AKAP11: variants seen among roughly 807,000 people sequenced by gnomAD.
AKAP11 encodes the protein A-kinase anchoring protein 11, also known as A-kinase anchor protein 11.
In AKAP11, 36 loss-of-function variants were observed where a neutral mutation model predicts 146.1. The ratio of observed to expected loss-of-function variants is 0.25; its 90% CI spans 0.19 to 0.33. The LOEUF is 0.33. Among genes scored for constraint, AKAP11 ranks in the 10% least tolerant of loss-of-function variants. AKAP11 has a pLI of 1.00. For synonymous variants in AKAP11, 780 were observed against 786.5 expected, an observed-to-expected ratio of 0.99 and a Z score of 0.14; for missense variants, 2,201 against 2,197.0, an observed-to-expected ratio of 1.00 and a Z score of -0.04.
rs778929489 is a variant in AKAP11, at chr13:42,299,570, C to G, written c.824C>G (p.Pro275Arg). 1.5e-5 allele frequency: 25 copies of G among 1,613,828 alleles called. No homozygotes were observed. The highest frequency in any genetic ancestry group is 2.0e-5 in the Non-Finnish European group (24 of 1,179,880). The change falls in exon 8 of 13, where the codon CCT (proline) becomes CGT (arginine). Residue 275 changes from proline to arginine, a missense_variant. Pro to Arg is a moderately radical substitution (Grantham distance 103). Transcript: ENST00000025301. ...KTSVTTSISE[P>R]WTQRSFYRSS... ...TCAGTCACAACATCAATTTCAGAGC[C>G]TTGGACCCAAAGGAGTTTCTATAGG...
At chr13:42,308,018 T>G (rs1423396729) in intron 8 of AKAP11, among the ~76,000 whole-genome samples, 1 of 152,214 alleles carries the variant, frequency 6.6e-6, no homozygotes, top group Non-Finnish European at 1.5e-5. Context: ...GAATACAGGC[T>G]TGGTTGACAA....
intron 4 of AKAP11, among the ~76,000 whole-genome samples, chr13:42,293,456 T>G (rs1440950966): frequency 1.3e-5 from 2 of 152,322 alleles, no homozygotes; most frequent in Non-Finnish European, 2.9e-5. Flanking sequence ...TTTAGGCCTG[T>G]AGTGTTCTGG....
At chr13:42,288,446 C>G (rs540996986) in intron 3 of AKAP11, among the ~76,000 whole-genome samples, 2 of 152,320 alleles carry the variant, frequency 1.3e-5, no homozygotes, top group South Asian at 4.1e-4. Flanking sequence ...GTACCATTTG[C>G]AAGTTATGAT....
chr13:42,295,605 T>G, intron 4 of AKAP11, 90 bp from the exon 5 acceptor site: 2 of 1,217,368 alleles, frequency 1.6e-6, no homozygotes, highest in Non-Finnish European at 2.4e-6. Context: ...TTTTAATGCT[T>G]TGTCTGTTTT....
chr13:42,286,294 CT>C lies in AKAP11; in HGVS notation c.-49-3del. On this transcript the variant is annotated splice_polypyrimidine_tract_variant and splice_region_variant and intron_variant, in intron 2 of 12. Coordinates refer to ENST00000025301, the MANE Select transcript of AKAP11 (RefSeq NM_016248.4). ...TAAATAAGTTGTTTTAATATGTTTTCTTTAGGTGTTTTGTGGATTAACTCTT... is the reference window on the plus strand; with the variant it reads ...TAAATAAGTTGTTTTAATATGTTTTCTTAGGTGTTTTGTGGATTAACTCTT... 2 of 1,203,622 alleles carry C rather than the reference CT, an allele frequency of 1.7e-6. No homozygotes were observed. Among genetic ancestry groups the C allele is most frequent in the Non-Finnish European group, 2.4e-6 (2 of 850,344 alleles). 74.6% of individuals were successfully genotyped at this position (1,203,622 alleles called of 1,614,324 possible). A position where few individuals can be genotyped will look rare whatever the true frequency, so the allele number is the denominator to read the frequency against.
chr13:42,316,117 G>C (rs920965620), intron 11 of AKAP11, among the ~76,000 whole-genome samples: 1 of 152,186 alleles, frequency 6.6e-6, no homozygotes, highest in African/African-American at 2.4e-5. Flanking sequence ...GATTGAGAGT[G>C]TTGGAGAGAG....
Position 42,300,981 on chromosome 13 carries a change from T to G in AKAP11, c.2235T>G (p.Ser745=), listed in dbSNP as rs1215317338. ...CACAGGCTGTCACGTTTTCCCCTTC[T>G]TTTCACAATCAAGCAATTATGGTGA... The part of the protein sequence containing the change: ...PSTQAVTFSP[S]FHNQAIMVTK... The change falls in exon 8 of 13, where the codon TCT becomes TCG. Residue 745 remains serine (S), a synonymous_variant. Coordinates refer to ENST00000025301, the MANE Select transcript of AKAP11 (RefSeq NM_016248.4). 1.2e-5 allele frequency: 19 copies of G among 1,614,128 alleles called. No homozygotes were observed. The highest frequency in any genetic ancestry group is 1.4e-5 in the Non-Finnish European group (17 of 1,179,974).
At chr13:42,293,063 C>T (rs1594319662) in intron 4 of AKAP11, among the ~76,000 whole-genome samples, 1 of 152,218 alleles carries the variant, frequency 6.6e-6, no homozygotes, top group African/African-American at 2.4e-5. Flanking sequence ...AGAGTAAGAT[C>T]CTTTTCTATA....
chr13:42,288,878 T>C (rs1594313099), intron 3 of AKAP11, among the ~76,000 whole-genome samples: 2 of 152,214 alleles, frequency 1.3e-5, no homozygotes, highest in African/African-American at 2.4e-5. Context: ...GTAGAAGTTA[T>C]GTTTAAAGGT....
intron 1 of AKAP11, among the ~76,000 whole-genome samples, chr13:42,285,331 A>T (rs891870058): frequency 3.9e-5 from 6 of 152,182 alleles, no homozygotes; most frequent in Non-Finnish European, 5.9e-5. Flanking sequence ...GGCATGCACC[A>T]CTGTGCCTGG....
chr13:42,278,920 C>CTGGGTTGA (rs1958989888), intron 1 of AKAP11, among the ~76,000 whole-genome samples: 1 of 148,010 alleles, frequency 6.8e-6, no homozygotes, highest in Non-Finnish European at 1.5e-5. Context: ...TTGAGTATAT[C>CTGGGTTGA]TGGGTTGATG....
upstream of AKAP11, among the ~76,000 whole-genome samples, chr13:42,271,520 C>T (rs1958767500): frequency 6.6e-6 from 1 of 152,196 alleles, no homozygotes. Context: ...TTCCTTGGGC[C>T]TTCGGATCTG....
At chr13:42,297,024 C>T (rs757725265) in intron 5 of AKAP11, 24 bp from the exon 6 acceptor site, 1 of 1,583,266 alleles carries the variant, frequency 6.3e-7, no homozygotes, top group Admixed American at 1.8e-5. Flanking sequence ...TACAGTGTTA[C>T]TTATTGTTAT....
chr13:42,320,059 A>G lies in AKAP11; in HGVS notation c.*831A>G, dbSNP rs947148676. 1 of 152,690 alleles carries G rather than the reference A, an allele frequency of 6.5e-6. No individual in the cohort carries two copies. The highest frequency in any genetic ancestry group is 2.4e-5 in the African/African-American group (1 of 41,432). The allele number at this position is 152,690 out of a possible 1,614,324, so 9.5% of individuals were successfully genotyped here. Reference sequence around the variant, plus strand: ...AGGTGCTTTAAAATAAAACGCCTATAAAGATTGTGCAGTAAGAATTTTTAT... The same window carrying G: ...AGGTGCTTTAAAATAAAACGCCTATGAAGATTGTGCAGTAAGAATTTTTAT... On this transcript the variant is annotated 3_prime_UTR_variant, in exon 13 of 13. Coordinates refer to ENST00000025301, the MANE Select transcript of AKAP11 (RefSeq NM_016248.4).
chr13:42,283,973 CTA>C (rs1387434839), intron 1 of AKAP11, among the ~76,000 whole-genome samples: 1 of 152,146 alleles, frequency 6.6e-6, no homozygotes, highest in Non-Finnish European at 1.5e-5. Context: ...ATGAACCAGA[CTA>C]TAAAACCTTT....
chr13:42,292,981 A>G (rs17599774), intron 4 of AKAP11, among the ~76,000 whole-genome samples: 18,774 of 152,224 alleles, frequency 0.12, 1,303 homozygotes, highest in South Asian at 0.17. Flanking sequence ...GGATAAGATA[A>G]TATACCTTGC....
Position 42,317,551 on chromosome 13 carries a change from C to G in AKAP11, c.5428C>G (p.Leu1810Val), listed in dbSNP as rs907960386. 6.2e-7 allele frequency: 1 copy of G among 1,613,744 alleles called. No individual in the cohort carries two copies. Among genetic ancestry groups the G allele is most frequent in the Admixed American group, 1.7e-5 (1 of 59,940 alleles). ...AGGTTTGGGGCAAGATGGAAAGACA[C>G]TGCTAATTACGAATATTGACATGGA... The part of the protein sequence containing the change: ...VEGLGQDGKT[L>V]LITNIDMEPC... Residue 1810 changes from leucine (L) to valine (V), a missense_variant, in exon 12 of 13, where the codon CTG (leucine) becomes GTG (valine). Coordinates refer to ENST00000025301, the MANE Select transcript of AKAP11 (RefSeq NM_016248.4).
At chr13:42,275,354 C>A (rs1318849493) in intron 1 of AKAP11, among the ~76,000 whole-genome samples, 1 of 152,210 alleles carries the variant, frequency 6.6e-6, no homozygotes, top group Admixed American at 6.5e-5. Context: ...CTCCAAGTCT[C>A]AGTTATGTTT....
chr13:42,318,991 G>T, intron 12 of AKAP11, 97 bp from the exon 13 acceptor site: 1 of 1,372,078 alleles, frequency 7.3e-7, no homozygotes, highest in Non-Finnish European at 9.9e-7. Context: ...ATTGTAAACA[G>T]CAGGATTCTT....
Sources: allele counts gnomAD v4.1 joint callset (sites outside exome capture counted in the v4.1 genomes callset), GRCh38; gene constraint gnomAD v4.1.1; transcripts MANE v1.5; gene names NCBI Gene and HGNC (gene_info 2026-07-23, HGNC 2026-07-21).